VPS13C: variants seen among roughly 807,000 people sequenced by gnomAD.
The protein encoded by VPS13C is intermembrane lipid transfer protein VPS13C.
In VPS13C, 358 loss-of-function variants were observed where a neutral mutation model predicts 456.8. The observed-to-expected ratio is 0.78, with a 90% CI of 0.72 to 0.86. The LOEUF is 0.86. VPS13C is among the 40% of genes least tolerant of loss of function. The pLI, the probability that VPS13C is intolerant of heterozygous loss-of-function variation, is 0.00. For missense variants in VPS13C, 4,818 were observed against 4,385.4 expected (o/e 1.10, Z -2.79); for synonymous variants, 1,578 against 1,486.7 (o/e 1.06, Z -1.41).
Position 61,961,926 on chromosome 15 carries a change from A to G in VPS13C, c.3604-33T>C, listed in dbSNP as rs372763676. On this transcript the variant is annotated intron_variant, in intron 34 of 84. Transcript: ENST00000644861. ...CACAAAGCATAAAAAGAGAAATTCA[A>G]AGAGAATACAGGCACATCAATAATA... The G allele has an allele frequency of 4.3e-5, 68 of 1,577,242 alleles. No individual in the cohort carries two copies. In the East Asian group the frequency reaches 7.8e-4, roughly 18 times the overall value.
At position 61,962,779 on chromosome 15, in the gene VPS13C, T is replaced by G. The variant is rs2045254082; in HGVS notation, c.3405A>C (p.Thr1135=). 6.2e-7 allele frequency: 1 copy of G among 1,607,296 alleles called. No homozygotes were observed. The change falls in exon 33 of 85, where the codon ACA becomes ACC. Residue 1135 remains threonine, a synonymous_variant. Coordinates refer to ENST00000644861, the MANE Select transcript of VPS13C (RefSeq NM_020821.3). ...LFARLENIIV[T]DVDPKTVHKK... is the part of the protein sequence containing the mutation. Reference sequence around the variant, plus strand: ...TATGAACTGTCTTTGGATCAACATCTGTGACAATAATATTTTCTAGTCGGG... The same window carrying G: ...TATGAACTGTCTTTGGATCAACATCGGTGACAATAATATTTTCTAGTCGGG...
At chr15:61,970,082 G>C (rs183762568) in intron 27 of VPS13C, among the ~76,000 whole-genome samples, 1 of 152,104 alleles carries the variant, frequency 6.6e-6, no homozygotes, top group Non-Finnish European at 1.5e-5. Flanking sequence ...ACTCATACTG[G>C]GGGAAGCCAG....
At chr15:61,940,901 C>T in intron 46 of VPS13C, 107 bp from the exon 47 acceptor site, 1 of 1,148,390 alleles carries the variant, frequency 8.7e-7, no homozygotes, top group Non-Finnish European at 1.2e-6. Flanking sequence ...AGGCTAAAAG[C>T]TGCTAACAGA....
rs974576464 is a variant in VPS13C at position 61,880,781 on chromosome 15, C to T, written c.9889-59G>A. 3.2e-6 allele frequency: 5 copies of T among 1,545,846 alleles called. No homozygotes were observed. In the African/African-American group the frequency reaches 7.0e-5, roughly 22 times the overall value. ...ATTTTTTTCTCTATTAGAATTCGTT[C>T]AAAAGAGGCTGATTTAAATTTTGTT... is the stretch of plus-strand genomic sequence containing the variant. On this transcript the variant is annotated intron_variant, in intron 72 of 84. Coordinates refer to ENST00000644861, the MANE Select transcript of VPS13C (RefSeq NM_020821.3).
Position 61,917,525 on chromosome 15 carries a change from A to C in VPS13C, c.7871T>G (p.Met2624Arg), listed in dbSNP as rs902147405. The C allele has an allele frequency of 8.7e-6, 14 of 1,614,038 alleles. No homozygotes were observed. Among genetic ancestry groups the C allele is most frequent in the Non-Finnish European group, 1.2e-5 (14 of 1,179,904 alleles). The change falls in exon 60 of 85, where the codon ATG becomes AGG. Residue 2624 changes from methionine (M) to arginine (R), a missense_variant. Transcript: ENST00000644861. ...GACTTCTACTGATGGACACTGCAAC[A>C]TGCATCTGACTTCCCTGCTCCTATG... ...ELHRSREVRCMLQCPSVEVSF... is the reference protein window; with the variant it reads ...ELHRSREVRCRLQCPSVEVSF...
chr15:62,010,736 A>G, intron 12 of VPS13C, 137 bp from the exon 13 acceptor site: 1 of 951,120 alleles, frequency 1.1e-6, no homozygotes, highest in Admixed American at 3.6e-5. Flanking sequence ...CACTACCAAA[A>G]AATATTTAAG....
At chr15:61,963,517 A>G (rs2045281814) in intron 32 of VPS13C, among the ~76,000 whole-genome samples, 1 of 152,108 alleles carries the variant, frequency 6.6e-6, no homozygotes, top group Non-Finnish European at 1.5e-5. Context: ...ACGTCCACAG[A>G]CCTTCACCTA....
chr15:62,054,260 G>C (rs372243427), intron 1 of VPS13C, among the ~76,000 whole-genome samples: 1 of 152,192 alleles, frequency 6.6e-6, no homozygotes, highest in African/African-American at 2.4e-5. Flanking sequence ...TCCTACTTAT[G>C]TAGGCAGTAT....
At position 61,957,182 on chromosome 15, in the gene VPS13C, T is replaced by A. The variant is rs189681758; in HGVS notation, c.4165+1426A>T. ...TGAATCTCGCAAACAAAATGAAGAATAAAAGAAGCCAAACATCGAAGAGTA... is the reference window on the plus strand; with the variant it reads ...TGAATCTCGCAAACAAAATGAAGAAAAAAAGAAGCCAAACATCGAAGAGTA... On this transcript the variant is annotated intron_variant, in intron 37 of 84. Coordinates refer to ENST00000644861, the MANE Select transcript of VPS13C (RefSeq NM_020821.3). Among the ~76,000 whole-genome samples the A allele has an allele frequency of 2.3e-3, 347 of 152,170 alleles. 2 individuals are homozygous for A. Among genetic ancestry groups the A allele is most frequent in the African/African-American group, 5.6e-3 (232 of 41,546 alleles).
intron 53 of VPS13C, among the ~76,000 whole-genome samples, chr15:61,924,262 A>G (rs944451919): frequency 2.6e-5 from 4 of 152,012 alleles, no homozygotes; most frequent in Non-Finnish European, 1.5e-5. Context: ...CCATCTATTT[A>G]ATCTCCCTTC....
intron 74 of VPS13C, among the ~76,000 whole-genome samples, chr15:61,878,086 C>T (rs1001398458): frequency 2.0e-5 from 3 of 151,814 alleles, no homozygotes; most frequent in Non-Finnish European, 2.9e-5. Context: ...AAGACCTCCT[C>T]TATTCAGAGA....
chr15:61,937,520 G>C (rs1156877669), intron 47 of VPS13C, among the ~76,000 whole-genome samples: 15 of 152,218 alleles, frequency 9.9e-5, no homozygotes, highest in East Asian at 1.9e-4. Context: ...TGTCGCCCAG[G>C]CTAGAGTGCA....
At chr15:61,993,684 T>TA (rs1389076388) in intron 16 of VPS13C, among the ~76,000 whole-genome samples, 1 of 152,030 alleles carries the variant, frequency 6.6e-6, no homozygotes, top group Non-Finnish European at 1.5e-5. Flanking sequence ...ATTTCAAACA[T>TA]AGAAAGGCTA....
chr15:62,029,819 G>A (rs1193094991), intron 5 of VPS13C, among the ~76,000 whole-genome samples: 2 of 151,984 alleles, frequency 1.3e-5, no homozygotes, highest in African/African-American at 4.8e-5. Flanking sequence ...TCTATCCCCA[G>A]ACAAATCAAA....
At position 61,981,348 on chromosome 15, in the gene VPS13C, T is replaced by C. The variant is rs976661173; in HGVS notation, c.2160A>G (p.Thr720=). The part of the protein sequence containing the change: ...KSDLLILDFG[T]FQLNSKDQGL... ...AAAACGCATATATACCTACCTGAAA[T>C]GTACCAAAATCTAAAATCAGAAGAT... Residue 720 remains threonine, a synonymous_variant, in exon 22 of 85, where the codon ACA becomes ACG. Coordinates refer to ENST00000644861, the MANE Select transcript of VPS13C (RefSeq NM_020821.3). The C allele has an allele frequency of 1.9e-6, 3 of 1,608,136 alleles. No individual in the cohort carries two copies. The highest frequency in any genetic ancestry group is 1.1e-5 in the South Asian group (1 of 89,892).
Position 62,023,442 on chromosome 15 carries a change from A to AT in VPS13C, c.592dup (p.Ile198AsnfsTer7). On this transcript the variant is annotated frameshift_variant, in exon 8 of 85. Transcript: ENST00000644861. LOFTEE classifies it high-confidence loss of function. ...TTCATATTTAATGTGAATATCTGTGATTTTTACTTGTACATTTTTTATTAC... is the reference window on the plus strand; with the variant it reads ...TTCATATTTAATGTGAATATCTGTGATTTTTTACTTGTACATTTTTTATTAC... The AT allele has an allele frequency of 1.3e-6, 2 of 1,568,622 alleles. No homozygotes were observed. The highest frequency in any genetic ancestry group is 1.7e-6 in the Non-Finnish European group (2 of 1,159,330).
At chr15:61,871,647 C>A (rs531066332) in intron 79 of VPS13C, among the ~76,000 whole-genome samples, 6 of 152,126 alleles carry the variant, frequency 3.9e-5, no homozygotes, top group African/African-American at 1.2e-4. Context: ...GCAAAGAAAC[C>A]AACTGGGATT....
At chr15:62,015,981 A>T (rs1417278301) in intron 9 of VPS13C, among the ~76,000 whole-genome samples, 1 of 145,272 alleles carries the variant, frequency 6.9e-6, no homozygotes, top group Non-Finnish European at 1.5e-5. Context: ...AAAAAAAAAA[A>T]AAACTAGTTT....
At chr15:62,029,997 C>T (rs985207191) in intron 5 of VPS13C, among the ~76,000 whole-genome samples, 5 of 152,000 alleles carry the variant, frequency 3.3e-5, no homozygotes, top group South Asian at 2.1e-4. Context: ...TAAACATAGA[C>T]GAGCAATTCA....
Sources: gnomAD v4.1 joint callset for allele counts (sites outside exome capture counted in the v4.1 genomes callset) on GRCh38, gnomAD v4.1.1 for gene constraint, MANE v1.5 for transcripts, NCBI Gene and HGNC (gene_info 2026-07-23, HGNC 2026-07-21) for gene names.